The following SGK3 variants were observed in gnomAD, a reference collection of about 807,000 sequenced individuals.
SGK3 encodes the protein serum/glucocorticoid regulated kinase family member 3, also known as serine/threonine-protein kinase Sgk3.
A neutral mutation model predicts 68.5 loss-of-function variants in SGK3; 47 were observed. That is an observed-to-expected ratio of 0.69 (90% CI 0.54 to 0.87). The LOEUF (loss-of-function observed/expected upper bound fraction) is 0.87. SGK3 is among the 40% of genes least tolerant of loss of function. The pLI is 0.00. For synonymous variants in SGK3, 181 were observed against 189.1 expected, an observed-to-expected ratio of 0.96 and a Z score of 0.35; for missense variants, 479 against 575.5, an observed-to-expected ratio of 0.83 and a Z score of 1.72.
At chr8:66,771,147 T>A (rs1327303016) in intron 1 of SGK3, among the ~76,000 whole-genome samples, 1 of 152,182 alleles carries the variant, frequency 6.6e-6, no homozygotes, top group Non-Finnish European at 1.5e-5. Context: ...CTCTTAATAG[T>A]CACTTCACAT....
At chr8:66,734,867 A>C (rs1009680716) in intron 1 of SGK3, among the ~76,000 whole-genome samples, 1 of 151,740 alleles carries the variant, frequency 6.6e-6, no homozygotes. Flanking sequence ...GAATCGCTTG[A>C]ACCCAGGAGG....
At chr8:66,819,090 G>A (rs1342004566) in intron 5 of SGK3, among the ~76,000 whole-genome samples, 1 of 152,202 alleles carries the variant, frequency 6.6e-6, no homozygotes, top group Non-Finnish European at 1.5e-5. Context: ...CCATTCTGGT[G>A]AGTGGGTAAT....
chr8:66,726,420 C>A (rs1804986628), intron 1 of SGK3, among the ~76,000 whole-genome samples: 1 of 151,998 alleles, frequency 6.6e-6, no homozygotes, highest in Non-Finnish European at 1.5e-5. Flanking sequence ...CTCTCAAAGC[C>A]CCTCATCCGA....
At chr8:66,824,171 T>C (rs1260351974) in intron 6 of SGK3, among the ~76,000 whole-genome samples, 1 of 152,166 alleles carries the variant, frequency 6.6e-6, no homozygotes, top group Non-Finnish European at 1.5e-5. Flanking sequence ...TGTGACATGG[T>C]TGCTCCTAGG....
intron 5 of SGK3, among the ~76,000 whole-genome samples, chr8:66,821,662 G>A (rs886882875): frequency 5.0e-4 from 73 of 144,624 alleles, no homozygotes; most frequent in Non-Finnish European, 2.5e-4. Context: ...ACAGGTGTCC[G>A]CCACCACGCC....
intron 3 of SGK3, among the ~76,000 whole-genome samples, chr8:66,800,358 G>C (rs530196138): frequency 1.2e-4 from 17 of 145,728 alleles, no homozygotes; most frequent in Non-Finnish European, 2.1e-4. Flanking sequence ...AAAAAGTGGC[G>C]GGGGGGGAGT....
chr8:66,769,985 G>A (rs1038044009), intron 1 of SGK3, among the ~76,000 whole-genome samples: 2 of 152,080 alleles, frequency 1.3e-5, no homozygotes, highest in Admixed American at 1.3e-4. Flanking sequence ...ACGGAGCCTC[G>A]CTCTGTTGCC....
chr8:66,772,594 T>C (rs963354472), intron 1 of SGK3, among the ~76,000 whole-genome samples: 17 of 143,458 alleles, frequency 1.2e-4, no homozygotes, highest in African/African-American at 4.2e-4. Context: ...AGAGTCTCGC[T>C]CTGTCGCCCA....
chr8:66,752,596 G>A (rs1212731574), intron 1 of SGK3, among the ~76,000 whole-genome samples: 1 of 152,026 alleles, frequency 6.6e-6, no homozygotes, highest in Non-Finnish European at 1.5e-5. Context: ...GAAAAACTGG[G>A]GGGGTGGGGG....
intron 4 of SGK3, among the ~76,000 whole-genome samples, chr8:66,811,435 C>T (rs921235627): frequency 6.6e-6 from 1 of 151,996 alleles, no homozygotes; most frequent in Non-Finnish European, 1.5e-5. Context: ...AATATATAGG[C>T]CTTATATAAA....
intron 5 of SGK3, among the ~76,000 whole-genome samples, chr8:66,816,436 C>T (rs1323489919): frequency 1.3e-5 from 2 of 149,622 alleles, no homozygotes; most frequent in African/African-American, 5.0e-5. Flanking sequence ...ACCTCTGCCT[C>T]CCAGGTTCAA....
chr8:66,764,514 A>G (rs1806260678), intron 1 of SGK3, among the ~76,000 whole-genome samples: 1 of 152,146 alleles, frequency 6.6e-6, no homozygotes, highest in South Asian at 2.1e-4. Flanking sequence ...CCAGTTGCCC[A>G]GGCTGGAGTG....
At chr8:66,723,090 CATATATATATATATAT>C (rs1168038766) in intron 1 of SGK3, among the ~76,000 whole-genome samples, 18 of 21,272 alleles carry the variant, frequency 8.5e-4, no homozygotes, top group East Asian at 5.9e-3. Context: ...AGATTTTGTT[CATATATATATATATAT>C]ATATATATAT....
At chr8:66,718,771 G>T (rs188577819) in intron 1 of SGK3, among the ~76,000 whole-genome samples, 1 of 151,916 alleles carries the variant, frequency 6.6e-6, no homozygotes, top group East Asian at 1.9e-4. Flanking sequence ...CAGATAATCC[G>T]CCCACCTCAG....
intron 1 of SGK3, among the ~76,000 whole-genome samples, chr8:66,758,613 A>C (rs1441236030): frequency 6.6e-6 from 1 of 152,174 alleles, no homozygotes; most frequent in Non-Finnish European, 1.5e-5. Flanking sequence ...GTATTTTTAA[A>C]GCCTTTTCAA....
intron 1 of SGK3, among the ~76,000 whole-genome samples, chr8:66,747,212 T>G (rs766434386): frequency 2.4e-4 from 36 of 152,192 alleles, no homozygotes; most frequent in Admixed American, 6.5e-4. Context: ...TTCTGAAAGT[T>G]GTTCTCATGG....
At chr8:66,848,396 C>G (rs912671764) in intron 15 of SGK3, among the ~76,000 whole-genome samples, 1 of 152,330 alleles carries the variant, frequency 6.6e-6, no homozygotes, top group Admixed American at 6.5e-5. Flanking sequence ...CTCTCTTCCT[C>G]TCTGTATTAA....
chr8:66,840,627 A>C (rs1376983709), intron 12 of SGK3: 2 of 208,552 alleles, frequency 9.6e-6, no homozygotes, highest in Non-Finnish European at 1.9e-5. Flanking sequence ...TTTCATATGG[A>C]TCTATAATTA....
At chr8:66,840,359 A>C in intron 12 of SGK3, 112 bp downstream of exon 12, 2 of 1,078,776 alleles carry the variant, frequency 1.9e-6, no homozygotes, top group South Asian at 1.7e-5. Context: ...TTTATATAAC[A>C]TTCTCAAAAT....
Sources: gnomAD v4.1 joint callset for allele counts (sites outside exome capture counted in the v4.1 genomes callset) on GRCh38, gnomAD v4.1.1 for gene constraint, MANE v1.5 for transcripts, NCBI Gene and HGNC (gene_info 2026-07-23, HGNC 2026-07-21) for gene names.